Variants in NTNG1 observed in about 807,000 individuals in gnomAD.
The protein encoded by NTNG1 is netrin-G1.
A neutral mutation model predicts 54.0 loss-of-function variants in NTNG1; 16 were observed. The observed-to-expected ratio is 0.30, with a 90% CI of 0.20 to 0.45. The LOEUF (loss-of-function observed/expected upper bound fraction) is 0.45. Among genes scored for constraint, NTNG1 ranks in the 20% least tolerant of loss-of-function variants. The pLI is 1.00. For synonymous variants in NTNG1, 255 were observed against 263.1 expected, an observed-to-expected ratio of 0.97 and a Z score of 0.30; for missense variants, 530 against 678.7, an observed-to-expected ratio of 0.78 and a Z score of 2.43.
intron 2 of NTNG1, among the ~76,000 whole-genome samples, chr1:107,261,643 A>G (rs1242733102): frequency 6.6e-6 from 1 of 152,192 alleles, no homozygotes; most frequent in Non-Finnish European, 1.5e-5. Context: ...GGAGATCGAG[A>G]CCATCCTGGC....
intron 2 of NTNG1, among the ~76,000 whole-genome samples, chr1:107,189,188 C>A: frequency 6.6e-6 from 1 of 151,262 alleles, no homozygotes; most frequent in African/African-American, 2.4e-5. Flanking sequence ...CCTTCTCTAC[C>A]AAAAATACAA....
chr1:107,443,096 G>A (rs1313696874), intron 7 of NTNG1, among the ~76,000 whole-genome samples: 3 of 152,070 alleles, frequency 2.0e-5, no homozygotes, highest in Non-Finnish European at 4.4e-5. Context: ...AAACTCTTTA[G>A]GGCCTCTTCA....
intron 6 of NTNG1, among the ~76,000 whole-genome samples, chr1:107,433,068 T>C (rs1221569627): frequency 6.6e-6 from 1 of 152,244 alleles, no homozygotes; most frequent in Non-Finnish European, 1.5e-5. Context: ...TATTTATTTT[T>C]ACTTTTAAAA....
chr1:107,401,303 GT>G (rs1673018018), intron 4 of NTNG1, among the ~76,000 whole-genome samples: 1 of 152,126 alleles, frequency 6.6e-6, no homozygotes, highest in Non-Finnish European at 1.5e-5. Context: ...AGTAAGAGAG[GT>G]TCTTCCACAT....
chr1:107,202,424 C>A (rs1658825807), intron 2 of NTNG1, among the ~76,000 whole-genome samples: 1 of 151,866 alleles, frequency 6.6e-6, no homozygotes, highest in Non-Finnish European at 1.5e-5. Context: ...TAGCATTTAG[C>A]TATGTGATAG....
At chr1:107,151,379 G>A (rs2101023111) in intron 2 of NTNG1, among the ~76,000 whole-genome samples, 1 of 152,188 alleles carries the variant, frequency 6.6e-6, no homozygotes, top group East Asian at 1.9e-4. Flanking sequence ...GTGTAATGGG[G>A]ATTCATAAAG....
At chr1:107,386,260 CT>C (rs937838947) in intron 3 of NTNG1, among the ~76,000 whole-genome samples, 4 of 151,288 alleles carry the variant, frequency 2.6e-5, no homozygotes, top group African/African-American at 9.7e-5. Context: ...GCCTACACCT[CT>C]TGGATTCAAG....
intron 2 of NTNG1, among the ~76,000 whole-genome samples, chr1:107,240,113 G>A (rs1386403495): frequency 6.6e-6 from 1 of 152,052 alleles, no homozygotes; most frequent in Non-Finnish European, 1.5e-5. Context: ...ATACAATAGA[G>A]AAATGCAATT....
chr1:107,467,701 AT>A (rs1212626942), intron 7 of NTNG1, among the ~76,000 whole-genome samples: 1 of 152,244 alleles, frequency 6.6e-6, no homozygotes, highest in Admixed American at 6.5e-5. Flanking sequence ...GTGAGTTACA[AT>A]AGTCAGCATC....
At chr1:107,272,639 G>A (rs559087954) in intron 2 of NTNG1, among the ~76,000 whole-genome samples, 133 of 152,236 alleles carry the variant, frequency 8.7e-4, no homozygotes, top group African/African-American at 2.8e-3. Context: ...AGAAGCAGCC[G>A]TCAACCCCCA....
intron 3 of NTNG1, among the ~76,000 whole-genome samples, chr1:107,327,886 T>C (rs903114910): frequency 6.6e-6 from 1 of 152,110 alleles, no homozygotes; most frequent in African/African-American, 2.4e-5. Flanking sequence ...CAATTCTCCG[T>C]TTCTTTGTGC....
At chr1:107,208,644 C>G (rs1659376666) in intron 2 of NTNG1, among the ~76,000 whole-genome samples, 1 of 152,090 alleles carries the variant, frequency 6.6e-6, no homozygotes, top group Non-Finnish European at 1.5e-5. Context: ...TGCAAGTGAC[C>G]AGCACCACAC....
intron 7 of NTNG1, among the ~76,000 whole-genome samples, chr1:107,475,871 ACAACCAAAAAAAATGTCT>A (rs1678288436): frequency 1.3e-5 from 2 of 152,164 alleles, no homozygotes; most frequent in South Asian, 4.1e-4. Context: ...CCCACTTGTG[ACAACCAAAAAAAATGTCT>A]CCAGACATTG....
chr1:107,295,695 A>G (rs558806709), intron 2 of NTNG1, among the ~76,000 whole-genome samples: 1 of 152,248 alleles, frequency 6.6e-6, no homozygotes, highest in South Asian at 2.1e-4. Flanking sequence ...AATAAATTGT[A>G]GCTATTGTTA....
chr1:107,296,648 T>G (rs185715897), intron 2 of NTNG1, among the ~76,000 whole-genome samples: 76 of 145,616 alleles, frequency 5.2e-4, no homozygotes, highest in African/African-American at 1.9e-3. Context: ...GAAATATATA[T>G]TATTTACATT....
At chr1:107,365,250 AACTCTGAG>A (rs2100968857) in intron 3 of NTNG1, among the ~76,000 whole-genome samples, 1 of 152,314 alleles carries the variant, frequency 6.6e-6, no homozygotes, top group African/African-American at 2.4e-5. Flanking sequence ...GGTCAAAATC[AACTCTGAG>A]ATATTGTCTT....
chr1:107,403,290 G>A lies in NTNG1; in HGVS notation c.1061-4392G>A, dbSNP rs186619430. ...ACAAGTGCTTTCTCATTTTTTCAGCGTATGGTAGCATAATAGCCCTTTAGC... is the reference window on the plus strand; with the variant it reads ...ACAAGTGCTTTCTCATTTTTTCAGCATATGGTAGCATAATAGCCCTTTAGC... On this transcript the variant is annotated intron_variant, in intron 4 of 7. Transcript: ENST00000370068. 1.3e-4 allele frequency among the ~76,000 whole-genome samples: 20 copies of A among 152,210 alleles called. No homozygotes were observed. The East Asian group carries it at 1.7e-3, about 13-fold the overall frequency.
Position 107,482,242 on chromosome 1 carries a change from A to C in NTNG1, c.*1402A>C, listed in dbSNP as rs1678772468. On this transcript the variant is annotated 3_prime_UTR_variant, in exon 8 of 8. Transcript: ENST00000370068. ...ATACAGTGTTTACATGGAGTATCAC[A>C]AGACGCAACCTGGGGAACCAGGAAG... 6.6e-6 allele frequency: 1 copy of C among 152,178 alleles called. No individual in the cohort carries two copies. The highest frequency in any genetic ancestry group is 1.5e-5 in the Non-Finnish European group (1 of 68,044). The allele number at this position is 152,178 out of a possible 1,614,324, so 9.4% of individuals were successfully genotyped here.
At chr1:107,376,326 T>G (rs964640156) in intron 3 of NTNG1, among the ~76,000 whole-genome samples, 8 of 151,560 alleles carry the variant, frequency 5.3e-5, no homozygotes, top group Admixed American at 2.6e-4. Flanking sequence ...GGGAATGGCG[T>G]GAACCCGGGA....
Sources: gnomAD v4.1 joint callset for allele counts (sites outside exome capture counted in the v4.1 genomes callset) on GRCh38, gnomAD v4.1.1 for gene constraint, MANE v1.5 for transcripts, NCBI Gene and HGNC (gene_info 2026-07-23, HGNC 2026-07-21) for gene names.